The following AFF3 variants were observed in gnomAD, a reference collection of about 807,000 sequenced individuals.
AFF3 encodes ALF transcription elongation factor 3, also known as AF4/FMR2 family member 3.
AFF3 carries 32 observed loss-of-function variants against 129.7 expected under a neutral mutation model. The observed-to-expected ratio is 0.25, with a 90% CI of 0.19 to 0.33. AFF3 has a LOEUF of 0.33. Ranked by LOEUF, AFF3 falls within the 10% of genes least tolerant of loss-of-function variation. AFF3 has a pLI of 1.00. For missense variants in AFF3, 1,373 were observed against 1,592.0 expected (o/e 0.86, Z 2.34); for synonymous variants, 644 against 635.4 (o/e 1.01, Z -0.20).
At chr2:99,570,176 C>G (rs1676346353) in intron 18 of AFF3, among the ~76,000 whole-genome samples, 2 of 152,190 alleles carry the variant, frequency 1.3e-5, no homozygotes, top group African/African-American at 4.8e-5. Context: ...TCCTGCCACT[C>G]CGTTTTCTCT....
At chr2:99,576,660 G>GTA (rs1490266036) in intron 18 of AFF3, among the ~76,000 whole-genome samples, 1 of 152,080 alleles carries the variant, frequency 6.6e-6, no homozygotes, top group Non-Finnish European at 1.5e-5. Context: ...TATTTTGTGT[G>GTA]TATATACCAT....
intron 4 of AFF3, among the ~76,000 whole-genome samples, chr2:100,047,572 G>A (rs901847396): frequency 1.4e-4 from 21 of 152,144 alleles, no homozygotes; most frequent in African/African-American, 2.4e-4. Context: ...AAAATAATCC[G>A]TAGTATATAT....
At chr2:100,021,607 G>A (rs1683606391) in intron 4 of AFF3, among the ~76,000 whole-genome samples, 1 of 152,050 alleles carries the variant, frequency 6.6e-6, no homozygotes. Flanking sequence ...TGTAAAGAAA[G>A]TTTATATTTG....
Position 99,554,291 on chromosome 2 carries a change from C to T in AFF3, c.3559+20G>A. The stretch of plus-strand genomic sequence containing the variant: ...CCCGGGAGGCGGAAGCCCCTGGTTC[C>T]CCGTGGGGTGTGCGCTCACCTCGGT... On this transcript the variant is annotated intron_variant, in intron 24 of 24. Coordinates refer to ENST00000672756, the MANE Select transcript of AFF3 (RefSeq NM_001386135.1). 1.9e-6 allele frequency: 3 copies of T among 1,613,832 alleles called. No homozygotes were observed. The highest frequency in any genetic ancestry group is 2.5e-6 in the Non-Finnish European group (3 of 1,179,850).
intron 8 of AFF3, among the ~76,000 whole-genome samples, chr2:99,828,054 A>G (rs1425586645): frequency 6.6e-6 from 1 of 152,170 alleles, no homozygotes; most frequent in Non-Finnish European, 1.5e-5. Context: ...GGCACCTTAC[A>G]AAATTGGTTC....
chr2:99,658,751 A>G (rs1277282233), intron 12 of AFF3, among the ~76,000 whole-genome samples: 1 of 152,184 alleles, frequency 6.6e-6, no homozygotes, highest in Non-Finnish European at 1.5e-5. Flanking sequence ...GAGCAGCCCC[A>G]TTCTGTCTTG....
At chr2:100,045,911 A>G (rs1685793155) in intron 4 of AFF3, among the ~76,000 whole-genome samples, 1 of 152,228 alleles carries the variant, frequency 6.6e-6, no homozygotes. Context: ...TTATGTTATC[A>G]GTAGGGGTTC....
intron 13 of AFF3, among the ~76,000 whole-genome samples, chr2:99,645,877 C>A (rs760366611): frequency 7.2e-5 from 11 of 152,106 alleles, no homozygotes; most frequent in Non-Finnish European, 1.5e-4. Flanking sequence ...AATCAGGCGA[C>A]TGGAGAAATG....
At chr2:99,866,280 C>T (rs1251024701) in intron 7 of AFF3, among the ~76,000 whole-genome samples, 2 of 152,182 alleles carry the variant, frequency 1.3e-5, no homozygotes, top group South Asian at 2.1e-4. Flanking sequence ...CCAAAGCCAA[C>T]ATTGGCAAAT....
intron 8 of AFF3, among the ~76,000 whole-genome samples, chr2:99,815,599 T>C (rs1330288605): frequency 1.3e-4 from 20 of 152,190 alleles, no homozygotes; most frequent in Non-Finnish European, 8.8e-5. Context: ...ACATTACTTG[T>C]AGAGTATGTC....
chr2:100,061,485 G>T (rs1162076496), intron 4 of AFF3, among the ~76,000 whole-genome samples: 1 of 152,094 alleles, frequency 6.6e-6, no homozygotes, highest in African/African-American at 2.4e-5. Context: ...CAACTGGCCA[G>T]CATGGAAAGA....
At chr2:99,575,983 G>A (rs1185012615) in intron 18 of AFF3, among the ~76,000 whole-genome samples, 1 of 152,118 alleles carries the variant, frequency 6.6e-6, no homozygotes, top group Non-Finnish European at 1.5e-5. Context: ...GCTGGGGTGG[G>A]AGGGTTGTTT....
intron 7 of AFF3, among the ~76,000 whole-genome samples, chr2:99,892,868 T>C (rs1199294948): frequency 2.0e-5 from 3 of 152,086 alleles, no homozygotes; most frequent in African/African-American, 7.2e-5. Flanking sequence ...TCAATATAAT[T>C]GTGGAGAATA....
chr2:100,018,806 C>T (rs532277636), intron 4 of AFF3, among the ~76,000 whole-genome samples: 4 of 152,118 alleles, frequency 2.6e-5, no homozygotes, highest in South Asian at 4.1e-4. Flanking sequence ...GCTCCCTTCC[C>T]GGCAGCAGCA....
Position 99,801,688 on chromosome 2 carries a change from C to G in AFF3, c.921+35789G>C, listed in dbSNP as rs79626465. On this transcript the variant is annotated intron_variant, in intron 8 of 24. Coordinates refer to ENST00000672756, the MANE Select transcript of AFF3 (RefSeq NM_001386135.1). ...CACCATGTCACTAGCTTGACATCTA[C>G]TTTTACGACCTCTCATTCTTAATTA... 6.9e-3 allele frequency among the ~76,000 whole-genome samples: 1,058 copies of G among 152,342 alleles called. 7 individuals are homozygous for G. Among genetic ancestry groups the G allele is most frequent in the South Asian group, 0.019 (93 of 4,834 alleles).
chr2:100,101,718 TTGTC>T (rs1473348134), intron 4 of AFF3, among the ~76,000 whole-genome samples: 2 of 152,084 alleles, frequency 1.3e-5, no homozygotes, highest in Non-Finnish European at 2.9e-5. Context: ...AAAATGGCAA[TTGTC>T]TGACCGGATT....
intron 7 of AFF3, among the ~76,000 whole-genome samples, chr2:99,869,760 G>A (rs1691728288): frequency 6.6e-6 from 1 of 152,144 alleles, no homozygotes; most frequent in African/African-American, 2.4e-5. Context: ...TTGTTCCAAA[G>A]GGTTCTGGGG....
At chr2:100,106,963 T>C (rs1381121016) in intron 2 of AFF3, 2 of 985,338 alleles carry the variant, frequency 2.0e-6, no homozygotes, top group African/African-American at 3.5e-5. Context: ...AACGGGCAGA[T>C]TTACGTTTGA....
chr2:99,626,349 C>G (rs1257107697), intron 13 of AFF3, among the ~76,000 whole-genome samples: 1 of 146,616 alleles, frequency 6.8e-6, no homozygotes, highest in Non-Finnish European at 1.5e-5. Context: ...TCTCTCTTTC[C>G]TTCCTTCCTT....
Sources: gnomAD v4.1 joint callset for allele counts (sites outside exome capture counted in the v4.1 genomes callset) on GRCh38, gnomAD v4.1.1 for gene constraint, MANE v1.5 for transcripts, NCBI Gene and HGNC (gene_info 2026-07-23, HGNC 2026-07-21) for gene names.